TTLL6: variants seen among roughly 807,000 people sequenced by gnomAD.
TTLL6 encodes tubulin polyglutamylase TTLL6.
A neutral mutation model predicts 96.4 loss-of-function variants in TTLL6; 75 were observed. The observed-to-expected ratio is 0.78, with a 90% CI of 0.65 to 0.94. The LOEUF (loss-of-function observed/expected upper bound fraction) is 0.94, where lower values mean the gene tolerates loss of function less well. Ranked by LOEUF, TTLL6 falls within the 40% of genes least tolerant of loss-of-function variation. The pLI is 0.00. For synonymous variants in TTLL6, 411 were observed against 419.4 expected, an observed-to-expected ratio of 0.98 and a Z score of 0.24; for missense variants, 1,030 against 1,093.0, an observed-to-expected ratio of 0.94 and a Z score of 0.81.
intron 15 of TTLL6, among the ~76,000 whole-genome samples, chr17:48,768,485 T>C (rs1292928846): frequency 6.6e-6 from 1 of 152,100 alleles, no homozygotes. Context: ...TTAGCCAGAA[T>C]GGTCTCGATT....
intron 1 of TTLL6, among the ~76,000 whole-genome samples, chr17:48,813,395 A>C (rs1353018132): frequency 2.0e-5 from 3 of 151,894 alleles, no homozygotes; most frequent in Admixed American, 6.6e-5. Flanking sequence ...CTCTACCAAT[A>C]AATAAATAAA....
intron 6 of TTLL6, 124 bp from the exon 7 acceptor site, chr17:48,797,328 T>G (rs1292936416): frequency 9.7e-7 from 1 of 1,033,746 alleles, no homozygotes; most frequent in African/African-American, 1.6e-5. Context: ...GAGGGCAGGC[T>G]TGTCCAGGGT....
At chr17:48,790,156 CAG>C in intron 9 of TTLL6, 50 bp from the exon 10 acceptor site, 1 of 1,596,868 alleles carries the variant, frequency 6.3e-7, no homozygotes, top group Non-Finnish European at 8.5e-7. Flanking sequence ...AGAATGAAAG[CAG>C]AGAGTGAGGC....
At chr17:48,788,408 C>T (rs2039150699) in intron 10 of TTLL6, among the ~76,000 whole-genome samples, 1 of 152,186 alleles carries the variant, frequency 6.6e-6, no homozygotes, top group South Asian at 2.1e-4. Flanking sequence ...TGACCGTTTA[C>T]GAGCTGCAAT....
intron 15 of TTLL6, among the ~76,000 whole-genome samples, chr17:48,763,204 G>A (rs562918145): frequency 6.6e-6 from 1 of 152,252 alleles, no homozygotes; most frequent in South Asian, 2.1e-4. Flanking sequence ...ATGGCTGGCT[G>A]GAGAGAATGT....
intron 13 of TTLL6, among the ~76,000 whole-genome samples, chr17:48,782,991 G>A (rs981654435): frequency 2.0e-5 from 3 of 152,152 alleles, no homozygotes; most frequent in Non-Finnish European, 4.4e-5. Context: ...GGGATTACAG[G>A]TGTGAGCCAC....
chr17:48,799,729 T>G lies in TTLL6; in HGVS notation c.643A>C (p.Arg215=). 6.4e-7 allele frequency: 1 copy of G among 1,551,738 alleles called. No individual in the cohort carries two copies. The highest frequency in any genetic ancestry group is 2.4e-5 in the East Asian group (1 of 40,926). ...WGDLQTYSRS[R]KNKTYICKPD... is the part of the protein sequence containing the mutation. ...TTACAAATGTATGTCTTATTTTTTC[T>G]TGACCTGCTGTAGGTCTGCAAATCT... is the stretch of plus-strand genomic sequence containing the variant. The change falls in exon 6 of 16, where the codon AGA becomes CGA. Residue 215 remains arginine (R), a synonymous_variant. Coordinates refer to ENST00000393382, the MANE Select transcript of TTLL6 (RefSeq NM_001130918.3).
At chr17:48,791,281 T>C in intron 9 of TTLL6, 97 bp downstream of exon 9, 1 of 1,115,918 alleles carries the variant, frequency 9.0e-7, no homozygotes, top group Non-Finnish European at 1.3e-6. Context: ...GCCTGGGAAG[T>C]TGAAACAATT....
At chr17:48,813,144 T>C (rs1567739596) in intron 1 of TTLL6, among the ~76,000 whole-genome samples, 1 of 152,174 alleles carries the variant, frequency 6.6e-6, no homozygotes, top group Non-Finnish European at 1.5e-5. Context: ...AGCCTGTCTC[T>C]CCATGCTCCC....
At chr17:48,788,159 A>C (rs1233588720) in intron 10 of TTLL6, among the ~76,000 whole-genome samples, 160 bp from the exon 11 acceptor site, 2 of 152,204 alleles carry the variant, frequency 1.3e-5, no homozygotes, top group African/African-American at 2.4e-5. Context: ...GTTTCCCTGA[A>C]AGGAGATTCT....
rs2039060755 is a variant in TTLL6 at position 48,785,023 on chromosome 17, T to TTTTTGTA, written c.1939_1940insTACAAAA (p.Asn647IlefsTer15). ...CAACTTCGAGCTGCTGAGATTGATA[T>TTTTTGTA]TCCTCAGATCGGGTAGAGAACTGAA... On this transcript the variant is annotated frameshift_variant, in exon 13 of 16. Transcript: ENST00000393382. LOFTEE classifies it high-confidence loss of function. 6.2e-7 allele frequency: 1 copy of TTTTTGTA among 1,614,034 alleles called. No individual in the cohort carries two copies. Among genetic ancestry groups the TTTTTGTA allele is most frequent in the Non-Finnish European group, 8.5e-7 (1 of 1,179,996 alleles).
At chr17:48,763,308 C>T (rs929832107) in intron 15 of TTLL6, among the ~76,000 whole-genome samples, 7 of 152,240 alleles carry the variant, frequency 4.6e-5, no homozygotes, top group Middle Eastern at 3.4e-3. Context: ...AACAATGCCC[C>T]GAGGACTGAG....
At chr17:48,795,976 G>A (rs2039309384) in intron 8 of TTLL6, 85 bp downstream of exon 8, 1 of 1,093,488 alleles carries the variant, frequency 9.1e-7, no homozygotes, top group Non-Finnish European at 1.3e-6. Flanking sequence ...AACACTGATG[G>A]GGACTAACAG....
Position 48,799,884 on chromosome 17 carries a change from T to G in TTLL6, c.612-124A>C. 3 of 833,696 alleles carry G rather than the reference T, an allele frequency of 3.6e-6. No individual in the cohort carries two copies. In the South Asian group the frequency reaches 5.3e-5, roughly 15 times the overall value. The allele number at this position is 833,696 out of a possible 1,614,324, so 51.6% of individuals were successfully genotyped here. A position where few individuals can be genotyped will look rare whatever the true frequency, so the allele number is the denominator to read the frequency against. On this transcript the variant is annotated intron_variant, in intron 5 of 15. Coordinates refer to ENST00000393382, the MANE Select transcript of TTLL6 (RefSeq NM_001130918.3). The stretch of plus-strand genomic sequence containing the variant: ...GTGACAAATCCCTGGCACTGACAGA[T>G]GCCCAGAGGTCCAGCAATGGGAGAG...
chr17:48,774,096 C>CAAAA (rs1286139436), intron 13 of TTLL6, among the ~76,000 whole-genome samples: 8 of 44,216 alleles, frequency 1.8e-4, no homozygotes, highest in African/African-American at 3.9e-4. Flanking sequence ...AAAAACAAAA[C>CAAAA]AAAAAAAAAA....
chr17:48,803,315 C>T lies in TTLL6; in HGVS notation c.361+576G>A, dbSNP rs983155619. On this transcript the variant is annotated intron_variant, in intron 3 of 15. Coordinates refer to ENST00000393382, the MANE Select transcript of TTLL6 (RefSeq NM_001130918.3). Reference sequence around the variant, plus strand: ...TTTTAGACCAGCATGGCCAATGCTGCGAAACCCCATCTCTACTAGAAATAC... The same window carrying T: ...TTTTAGACCAGCATGGCCAATGCTGTGAAACCCCATCTCTACTAGAAATAC... Among the ~76,000 whole-genome samples the T allele has an allele frequency of 4.0e-5, 6 of 151,752 alleles. No individual in the cohort carries two copies. In the East Asian group the frequency reaches 7.8e-4, roughly 20 times the overall value.
intron 6 of TTLL6, among the ~76,000 whole-genome samples, chr17:48,797,734 G>A (rs1167232078): frequency 7.6e-6 from 1 of 131,780 alleles, no homozygotes; most frequent in Non-Finnish European, 1.5e-5. Context: ...ATTGCAGCAA[G>A]CCAAGTTCAC....
At chr17:48,796,431 C>A (rs1177280337) in intron 7 of TTLL6, among the ~76,000 whole-genome samples, 1 of 152,036 alleles carries the variant, frequency 6.6e-6, no homozygotes, top group Non-Finnish European at 1.5e-5. Context: ...ACCAGCCTGA[C>A]CAACATGGTG....
rs1166420910 is a variant in TTLL6, at chr17:48,816,931, G to A, written c.103+39C>T. On this transcript the variant is annotated intron_variant, in intron 1 of 15. Transcript: ENST00000393382. The stretch of plus-strand genomic sequence containing the variant: ...TTCAGGGGACAGGCACCAGGAGGCT[G>A]CGGTCTGGAGCCAGCACCGGGCTTT... The A allele has an allele frequency of 2.8e-6, 4 of 1,443,470 alleles. No individual in the cohort carries two copies. In the East Asian group the frequency reaches 1.1e-4, roughly 39 times the overall value. 89.4% of individuals were successfully genotyped at this position (1,443,470 alleles called of 1,614,324 possible). A position where few individuals can be genotyped will look rare whatever the true frequency, so the allele number is the denominator to read the frequency against.
Sources: gnomAD v4.1 joint callset for allele counts (sites outside exome capture counted in the v4.1 genomes callset) on GRCh38, gnomAD v4.1.1 for gene constraint, MANE v1.5 for transcripts, NCBI Gene and HGNC (gene_info 2026-07-23, HGNC 2026-07-21) for gene names.